Variants in CMIP observed in about 807,000 individuals in gnomAD.
CMIP encodes the protein C-Maf-inducing protein.
In CMIP, 13 loss-of-function variants were observed where a neutral mutation model predicts 97.3. The observed-to-expected ratio is 0.13, with a 90% CI of 0.09 to 0.21. The LOEUF (loss-of-function observed/expected upper bound fraction) is 0.21. CMIP is among the 10% of genes least tolerant of loss of function. The pLI is 1.00. For synonymous variants in CMIP, 538 were observed against 436.3 expected (o/e 1.23, Z -2.91); for missense variants, 847 against 1,024.9 (o/e 0.83, Z 2.37).
At chr16:81,675,120 G>A (rs1294681300) in intron 9 of CMIP, among the ~76,000 whole-genome samples, 2 of 152,182 alleles carry the variant, frequency 1.3e-5, no homozygotes, top group East Asian at 1.9e-4. Context: ...CAAGAAGCAG[G>A]AAGAGGGTGA....
intron 10 of CMIP, among the ~76,000 whole-genome samples, chr16:81,691,201 GA>G (rs1906025669): frequency 6.6e-6 from 1 of 152,194 alleles, no homozygotes; most frequent in South Asian, 2.1e-4. Context: ...GCACAACCCT[GA>G]AATCAAGGTG....
intron 1 of CMIP, among the ~76,000 whole-genome samples, chr16:81,585,079 C>T (rs147324992): frequency 5.9e-5 from 9 of 152,320 alleles, no homozygotes; most frequent in Admixed American, 3.9e-4. Flanking sequence ...TGGTGGCTCA[C>T]GCCTGTAATC....
At chr16:81,488,320 G>C (rs2089352084) in intron 1 of CMIP, among the ~76,000 whole-genome samples, 1 of 152,042 alleles carries the variant, frequency 6.6e-6, no homozygotes, top group Non-Finnish European at 1.5e-5. Context: ...GGTGACCTTG[G>C]GTCACCCGCT....
At chr16:81,548,130 C>CTT (rs11351275) in intron 1 of CMIP, among the ~76,000 whole-genome samples, 1,229 of 111,734 alleles carry the variant, frequency 0.011, 47 homozygotes, top group African/African-American at 0.036. Flanking sequence ...GGATGGATCA[C>CTT]TTTTTTTTTT....
At chr16:81,692,869 A>G (rs1027367960) in intron 11 of CMIP, among the ~76,000 whole-genome samples, 3 of 152,154 alleles carry the variant, frequency 2.0e-5, no homozygotes, top group African/African-American at 7.2e-5. Flanking sequence ...ATGCACCCAC[A>G]CATGCTCAGG....
At chr16:81,705,447 T>C in intron 18 of CMIP, 52 bp from the exon 19 acceptor site, 1 of 1,318,024 alleles carries the variant, frequency 7.6e-7, no homozygotes, top group Non-Finnish European at 1.1e-6. Context: ...AGCCTCAGAG[T>C]CACTTCCCCA....
intron 9 of CMIP, among the ~76,000 whole-genome samples, chr16:81,674,934 C>T (rs1212989146): frequency 2.6e-5 from 4 of 151,944 alleles, no homozygotes; most frequent in Admixed American, 1.3e-4. Context: ...CATTTACCAG[C>T]GTACTTTGGG....
At chr16:81,560,176 G>A (rs72829045) in intron 1 of CMIP, among the ~76,000 whole-genome samples, 45,253 of 143,352 alleles carry the variant, frequency 0.32, 7,978 homozygotes, top group African/African-American at 0.46. Flanking sequence ...AAGAAAAAAA[G>A]TTGTGTGTTT....
At chr16:81,540,564 A>G (rs61079357) in intron 1 of CMIP, among the ~76,000 whole-genome samples, 12,367 of 151,758 alleles carry the variant, frequency 0.081, 1,668 homozygotes, top group African/African-American at 0.29. Context: ...CGGCCTCCCA[A>G]AGTGTTGGGA....
At chr16:81,703,317 A>G (rs1455786654) in intron 17 of CMIP, among the ~76,000 whole-genome samples, 1 of 152,072 alleles carries the variant, frequency 6.6e-6, no homozygotes, top group Non-Finnish European at 1.5e-5. Context: ...ACACTCAAGG[A>G]TGGAGGGGAG....
chr16:81,472,577 C>T (rs954697889), intron 1 of CMIP, among the ~76,000 whole-genome samples: 6 of 152,350 alleles, frequency 3.9e-5, no homozygotes, highest in African/African-American at 1.4e-4. Flanking sequence ...GGGCCCTGCT[C>T]TCAGGAACCT....
intron 9 of CMIP, among the ~76,000 whole-genome samples, chr16:81,675,370 A>ATTTTTTTT (rs35314200): frequency 8.1e-6 from 1 of 123,378 alleles, no homozygotes. Flanking sequence ...CACCTGGCTA[A>ATTTTTTTT]TTTTTTTTTT....
chr16:81,701,316 G>A (rs917204428), intron 15 of CMIP, among the ~76,000 whole-genome samples: 1 of 152,178 alleles, frequency 6.6e-6, no homozygotes, highest in African/African-American at 2.4e-5. Flanking sequence ...GAACTGGGGA[G>A]AGAGAGGTGT....
intron 1 of CMIP, among the ~76,000 whole-genome samples, chr16:81,545,436 G>A (rs974446460): frequency 6.6e-6 from 1 of 152,162 alleles, no homozygotes; most frequent in Non-Finnish European, 1.5e-5. Flanking sequence ...AAAAGGGACC[G>A]TGCACACAAC....
In CMIP at chr16:81,481,872, G is replaced by A. The variant is rs189442442; in HGVS notation, c.300+36331G>A. On this transcript the variant is annotated intron_variant, in intron 1 of 20. Coordinates refer to ENST00000537098, the MANE Select transcript of CMIP (RefSeq NM_198390.3). ...CATCTCCTCTGGCTCTGGCCCTCCC[G>A]CCTCCCTCTTTTTTTTTTTTTTTTG... Among the ~76,000 whole-genome samples, 367 of 144,530 alleles carry A rather than the reference G, an allele frequency of 2.5e-3. 2 individuals are homozygous for A. The highest frequency in any genetic ancestry group is 9.1e-3 in the African/African-American group (344 of 37,616). 94.8% of individuals were successfully genotyped at this position (144,530 alleles called of 152,430 possible).
At chr16:81,487,065 G>A (rs978947788) in intron 1 of CMIP, among the ~76,000 whole-genome samples, 8 of 152,212 alleles carry the variant, frequency 5.3e-5, no homozygotes, top group East Asian at 1.9e-4. Flanking sequence ...ACCAGGCCTC[G>A]GAGAAACAGA....
chr16:81,520,010 T>G (rs2089988674), intron 1 of CMIP: 2 of 152,802 alleles, frequency 1.3e-5, no homozygotes, highest in Admixed American at 6.5e-5. Context: ...TTACGCTGGC[T>G]TTGCGGCAGG....
chr16:81,593,206 C>G (rs2091492913), intron 1 of CMIP, among the ~76,000 whole-genome samples: 1 of 152,200 alleles, frequency 6.6e-6, no homozygotes, highest in African/African-American at 2.4e-5. Context: ...CTCTGCCCTC[C>G]CAGCCCAGCT....
intron 2 of CMIP, chr16:81,611,396 A>G (rs184646229): frequency 2.0e-5 from 3 of 152,316 alleles, no homozygotes; most frequent in African/African-American, 7.2e-5. Context: ...GCATTACAGC[A>G]CAGCCATTCT....
Sources: gnomAD v4.1 joint callset for allele counts (sites outside exome capture counted in the v4.1 genomes callset) on GRCh38, gnomAD v4.1.1 for gene constraint, MANE v1.5 for transcripts, NCBI Gene and HGNC (gene_info 2026-07-23, HGNC 2026-07-21) for gene names.